Variants in NPAS3 observed in about 807,000 individuals in gnomAD.
NPAS3 encodes the protein neuronal PAS domain protein 3.
In NPAS3, 14 loss-of-function variants were observed where a neutral mutation model predicts 73.1. The observed-to-expected ratio is 0.19, with a 90% CI of 0.13 to 0.30. NPAS3 has a LOEUF of 0.30. Ranked by LOEUF, NPAS3 falls within the 10% of genes least tolerant of loss-of-function variation. NPAS3 has a pLI of 1.00. For missense variants in NPAS3, 1,096 were observed against 1,250.0 expected, an observed-to-expected ratio of 0.88 and a Z score of 1.86; for synonymous variants, 620 against 541.5, an observed-to-expected ratio of 1.14 and a Z score of -2.01.
chr14:33,040,408 G>A (rs760315297), intron 1 of NPAS3, among the ~76,000 whole-genome samples: 1 of 152,144 alleles, frequency 6.6e-6, no homozygotes, highest in Non-Finnish European at 1.5e-5. Flanking sequence ...ATCTTGATAT[G>A]AAATGAGGAT....
intron 4 of NPAS3, among the ~76,000 whole-genome samples, chr14:33,494,606 T>A (rs114158373): frequency 0.012 from 1,863 of 152,234 alleles, 51 homozygotes; most frequent in African/African-American, 0.041. Flanking sequence ...GAGAGAGACT[T>A]GTTCTAAGAG....
At chr14:33,728,436 A>G (rs528566821) in intron 6 of NPAS3, among the ~76,000 whole-genome samples, 1 of 152,364 alleles carries the variant, frequency 6.6e-6, no homozygotes, top group South Asian at 2.1e-4. Context: ...AAGACTCACA[A>G]CTGGGTAGGG....
chr14:32,944,764 G>A (rs2036183781), intron 1 of NPAS3, among the ~76,000 whole-genome samples: 1 of 152,204 alleles, frequency 6.6e-6, no homozygotes, highest in South Asian at 2.1e-4. Flanking sequence ...TACTGTATCT[G>A]AAATGACTAG....
chr14:33,452,262 G>T (rs1288059927), intron 4 of NPAS3, among the ~76,000 whole-genome samples: 2 of 152,180 alleles, frequency 1.3e-5, no homozygotes, highest in Non-Finnish European at 2.9e-5. Context: ...GAACCTACAT[G>T]CTTAAAGTTT....
At chr14:33,389,186 G>A (rs752486033) in intron 4 of NPAS3, among the ~76,000 whole-genome samples, 12 of 152,086 alleles carry the variant, frequency 7.9e-5, no homozygotes, top group Non-Finnish European at 1.2e-4. Context: ...ACAAGTAAAC[G>A]ATCATTATTA....
At chr14:33,375,362 C>T (rs1362667790) in intron 4 of NPAS3, among the ~76,000 whole-genome samples, 1 of 152,128 alleles carries the variant, frequency 6.6e-6, no homozygotes, top group Non-Finnish European at 1.5e-5. Flanking sequence ...TTGTTCAGCT[C>T]ATATTGAGTA....
exon 12 of NPAS3, chr14:33,801,025 C>T (rs760775497): frequency 6.3e-6 from 10 of 1,590,872 alleles, no homozygotes; most frequent in Non-Finnish European, 8.6e-6. Context: ...TCACCACGGC[C>T]GAGGGACTCT....
intron 2 of NPAS3, among the ~76,000 whole-genome samples, chr14:33,129,241 T>C (rs1595509043): frequency 6.6e-6 from 1 of 152,242 alleles, no homozygotes; most frequent in East Asian, 1.9e-4. Context: ...ATGTATCTCT[T>C]TTCTAACAAA....
chr14:33,352,204 A>C (rs2045098145), intron 3 of NPAS3, among the ~76,000 whole-genome samples: 1 of 152,232 alleles, frequency 6.6e-6, no homozygotes, highest in Admixed American at 6.5e-5. Context: ...CTCAAACAGC[A>C]TGCTAAATAA....
chr14:33,204,975 A>G (rs1311327223), intron 2 of NPAS3, among the ~76,000 whole-genome samples: 1 of 152,156 alleles, frequency 6.6e-6, no homozygotes, highest in African/African-American at 2.4e-5. Context: ...CTCATGCTCA[A>G]TTTGGATCCA....
intron 2 of NPAS3, among the ~76,000 whole-genome samples, chr14:33,061,194 A>G (rs2041086315): frequency 1.3e-5 from 2 of 152,184 alleles, no homozygotes; most frequent in South Asian, 4.1e-4. Context: ...TATGCTGAAG[A>G]AAAGGGAAAG....
At chr14:33,267,787 T>A (rs2040881629) in intron 3 of NPAS3, among the ~76,000 whole-genome samples, 1 of 152,204 alleles carries the variant, frequency 6.6e-6, no homozygotes, top group Non-Finnish European at 1.5e-5. Context: ...GTGTAATTGT[T>A]TGAATCCAGC....
At chr14:33,624,640 A>T (rs1034997918) in intron 5 of NPAS3, among the ~76,000 whole-genome samples, 2 of 151,880 alleles carry the variant, frequency 1.3e-5, no homozygotes, top group African/African-American at 4.8e-5. Flanking sequence ...AGGAAAATTG[A>T]TACATAGAAA....
intron 2 of NPAS3, among the ~76,000 whole-genome samples, chr14:33,108,829 G>T (rs1223066023): frequency 6.6e-6 from 1 of 152,042 alleles, no homozygotes; most frequent in Non-Finnish European, 1.5e-5. Context: ...AATATAGTCT[G>T]CTTGCCTGCC....
At chr14:33,477,379 A>T (rs1296553435) in intron 4 of NPAS3, among the ~76,000 whole-genome samples, 1 of 152,160 alleles carries the variant, frequency 6.6e-6, no homozygotes, top group East Asian at 1.9e-4. Context: ...GGGAAAAATC[A>T]ACTTGGGACT....
chr14:33,403,442 A>T (rs1421713961), intron 4 of NPAS3, among the ~76,000 whole-genome samples: 2 of 152,072 alleles, frequency 1.3e-5, no homozygotes, highest in Non-Finnish European at 2.9e-5. Flanking sequence ...ATGTTTAGTG[A>T]GTGTATTTCA....
At chr14:33,786,527 A>T (rs2063179458) in intron 9 of NPAS3, among the ~76,000 whole-genome samples, 2 of 152,322 alleles carry the variant, frequency 1.3e-5, no homozygotes, top group South Asian at 4.1e-4. Flanking sequence ...CCCTAATCAG[A>T]TTAACTGCTT....
intron 3 of NPAS3, among the ~76,000 whole-genome samples, chr14:33,246,839 C>CAAAAAAAAAA (rs571439161): frequency 9.7e-5 from 6 of 61,952 alleles, no homozygotes; most frequent in African/African-American, 3.9e-4. Context: ...ATTAAAAATA[C>CAAAAAAAAAA]AAAAAAAAAA....
At chr14:33,794,972 C>T (rs1244327591) in intron 10 of NPAS3, among the ~76,000 whole-genome samples, 1 of 152,114 alleles carries the variant, frequency 6.6e-6, no homozygotes, top group Non-Finnish European at 1.5e-5. Context: ...GGAAAATTTC[C>T]AATAGGTCTT....
Sources: gnomAD v4.1 joint callset for allele counts (sites outside exome capture counted in the v4.1 genomes callset) on GRCh38, gnomAD v4.1.1 for gene constraint, MANE v1.5 for transcripts, NCBI Gene and HGNC (gene_info 2026-07-23, HGNC 2026-07-21) for gene names.